The following CDC42BPA variants were observed in gnomAD, a reference collection of about 807,000 sequenced individuals.
The protein encoded by CDC42BPA is serine/threonine-protein kinase MRCK alpha.
Under a neutral mutation model 223.5 loss-of-function variants are expected in CDC42BPA, and 80 were observed. The observed-to-expected ratio is 0.36, with a 90% CI of 0.30 to 0.43. CDC42BPA has a LOEUF of 0.43. CDC42BPA is among the 20% of genes least tolerant of loss of function. The pLI is 1.00. For synonymous variants in CDC42BPA, 694 were observed against 718.6 expected, an observed-to-expected ratio of 0.97 and a Z score of 0.55; for missense variants, 1,743 against 2,099.9, an observed-to-expected ratio of 0.83 and a Z score of 3.32.
At chr1:227,217,930 C>A (rs1246121239) in intron 2 of CDC42BPA, among the ~76,000 whole-genome samples, 1 of 152,116 alleles carries the variant, frequency 6.6e-6, no homozygotes, top group African/African-American at 2.4e-5. Flanking sequence ...ATTTCATGAA[C>A]TATGTATTCT....
At chr1:227,230,310 A>G (rs1216177667) in intron 2 of CDC42BPA, among the ~76,000 whole-genome samples, 5 of 152,226 alleles carry the variant, frequency 3.3e-5, no homozygotes, top group Admixed American at 2.6e-4. Flanking sequence ...AATATAAGCA[A>G]AAGTGTCATA....
chr1:227,152,040 CAAAT>C (rs1661872464), intron 6 of CDC42BPA, among the ~76,000 whole-genome samples: 1 of 151,902 alleles, frequency 6.6e-6, no homozygotes, highest in South Asian at 2.1e-4. Context: ...AAATAAAATA[CAAAT>C]AAATAAATAC....
At chr1:227,012,716 CT>C (rs1439032221) in intron 34 of CDC42BPA, among the ~76,000 whole-genome samples, 6 of 151,990 alleles carry the variant, frequency 3.9e-5, no homozygotes, top group African/African-American at 1.4e-4. Context: ...TTTAATTCAT[CT>C]TTATTTTATG....
intron 1 of CDC42BPA, among the ~76,000 whole-genome samples, chr1:227,294,789 G>C (rs1278853115): frequency 2.7e-5 from 2 of 74,824 alleles, no homozygotes; most frequent in East Asian, 4.5e-4. Context: ...GAACCCGGGA[G>C]GCGGAGCTTG....
At chr1:227,294,941 CAAGGT>C (rs1479061463) in intron 1 of CDC42BPA, among the ~76,000 whole-genome samples, 1 of 122,328 alleles carries the variant, frequency 8.2e-6, no homozygotes, top group Non-Finnish European at 1.8e-5. Context: ...AAAAAAAAAG[CAAGGT>C]ATAAAAATAC....
intron 1 of CDC42BPA, among the ~76,000 whole-genome samples, chr1:227,288,880 G>T (rs1689232281): frequency 6.6e-6 from 1 of 151,962 alleles, no homozygotes; most frequent in African/African-American, 2.4e-5. Context: ...TGTAATCCCA[G>T]CTATTTGGGA....
rs567714509 is a variant in CDC42BPA, at chr1:227,269,004, A to T, written c.179-14849T>A. ...TCAGCCCATATTCATATTTTTATTT[A>T]AAAAAAAGTCTGGTATTAGAAAAGA... On this transcript the variant is annotated intron_variant, in intron 1 of 36. Coordinates refer to ENST00000366766, the MANE Select transcript of CDC42BPA (RefSeq NM_001394014.1). 7.7e-4 allele frequency among the ~76,000 whole-genome samples: 117 copies of T among 152,034 alleles called. 1 individual carries two copies. Among genetic ancestry groups the T allele is most frequent in the Non-Finnish European group, 1.1e-3 (76 of 67,976 alleles).
At chr1:227,216,632 T>A (rs1369539203) in intron 2 of CDC42BPA, among the ~76,000 whole-genome samples, 1 of 152,212 alleles carries the variant, frequency 6.6e-6, no homozygotes, top group Non-Finnish European at 1.5e-5. Context: ...GATATTCATT[T>A]CAGTAGCTAA....
chr1:227,203,881 C>G (rs958865816), intron 3 of CDC42BPA, among the ~76,000 whole-genome samples: 2 of 152,158 alleles, frequency 1.3e-5, no homozygotes, highest in Non-Finnish European at 2.9e-5. Flanking sequence ...AATGGTAATT[C>G]TGGAAAGTTG....
chr1:227,196,336 T>C (rs1670679855), intron 4 of CDC42BPA, among the ~76,000 whole-genome samples: 1 of 91,200 alleles, frequency 1.1e-5, no homozygotes, highest in Admixed American at 1.5e-4. Flanking sequence ...TATTAAACAA[T>C]ACTTTTTTTT....
At chr1:227,018,044 T>TATTATTA (rs1220783432) in intron 32 of CDC42BPA, among the ~76,000 whole-genome samples, 51 of 148,526 alleles carry the variant, frequency 3.4e-4, no homozygotes, top group Admixed American at 4.1e-4. Context: ...TTATTATTAT[T>TATTATTA]ATTATTATTA....
intron 3 of CDC42BPA, among the ~76,000 whole-genome samples, chr1:227,204,031 C>T (rs1672253360): frequency 6.6e-6 from 1 of 152,116 alleles, no homozygotes; most frequent in African/African-American, 2.4e-5. Flanking sequence ...TCTACTTTGG[C>T]TTATCATTTA....
chr1:227,034,943 C>T, intron 25 of CDC42BPA, 149 bp from the exon 26 acceptor site: 1 of 584,264 alleles, frequency 1.7e-6, no homozygotes, highest in Admixed American at 3.5e-5. Context: ...GCAGATGAGA[C>T]ACATATCATT....
chr1:227,260,203 G>A (rs1258101173), intron 1 of CDC42BPA, among the ~76,000 whole-genome samples: 5 of 150,880 alleles, frequency 3.3e-5, no homozygotes, highest in Non-Finnish European at 7.4e-5. Flanking sequence ...TACAGATGCT[G>A]AAATTAAGAG....
At chr1:227,266,828 G>C (rs949443892) in intron 1 of CDC42BPA, among the ~76,000 whole-genome samples, 1 of 152,150 alleles carries the variant, frequency 6.6e-6, no homozygotes, top group South Asian at 2.1e-4. Flanking sequence ...TTTAAATGAG[G>C]AAACAAAATA....
chr1:227,238,038 C>CAAAAAA (rs35731369), intron 2 of CDC42BPA, among the ~76,000 whole-genome samples: 3 of 91,284 alleles, frequency 3.3e-5, no homozygotes, highest in African/African-American at 1.4e-4. Context: ...AACTCTGTCT[C>CAAAAAA]AAAAAAAAAA....
intron 2 of CDC42BPA, among the ~76,000 whole-genome samples, chr1:227,221,618 C>A (rs1675921907): frequency 1.1e-5 from 1 of 89,288 alleles, no homozygotes. Flanking sequence ...TTTTTTTTTA[C>A]CACATTACTA....
At chr1:227,067,902 T>C (rs1677440693) in intron 21 of CDC42BPA, among the ~76,000 whole-genome samples, 1 of 152,112 alleles carries the variant, frequency 6.6e-6, no homozygotes, top group Admixed American at 6.5e-5. Flanking sequence ...GTAAAGACTA[T>C]TCAACAGGAT....
At chr1:227,313,487 T>C (rs1278489741) in intron 1 of CDC42BPA, among the ~76,000 whole-genome samples, 1 of 152,184 alleles carries the variant, frequency 6.6e-6, no homozygotes, top group African/African-American at 2.4e-5. Context: ...TAATTGTAAT[T>C]ACTCATTATC....
Sources: gnomAD v4.1 joint callset for allele counts (sites outside exome capture counted in the v4.1 genomes callset) on GRCh38, gnomAD v4.1.1 for gene constraint, MANE v1.5 for transcripts, NCBI Gene and HGNC (gene_info 2026-07-23, HGNC 2026-07-21) for gene names.